The following EXOC6B variants were observed in gnomAD, a reference collection of about 807,000 sequenced individuals.
EXOC6B encodes exocyst complex component 6B, also known as SEC15 homolog B.
Under a neutral mutation model 113.5 loss-of-function variants are expected in EXOC6B, and 54 were observed. The ratio of observed to expected loss-of-function variants is 0.48; its 90% CI spans 0.38 to 0.60. The LOEUF (loss-of-function observed/expected upper bound fraction) is 0.60, where lower values mean the gene tolerates loss of function less well. EXOC6B is among the 20% of genes least tolerant of loss of function. The probability of loss-of-function intolerance (pLI) is 0.00; values close to 1 mark genes in which losing one functional copy is unlikely to be tolerated. For synonymous variants in EXOC6B, 357 were observed against 339.0 expected (o/e 1.05, Z -0.58); for missense variants, 797 against 977.5 (o/e 0.82, Z 2.46).
At chr2:72,318,521 G>A (rs1003291350) in intron 20 of EXOC6B, among the ~76,000 whole-genome samples, 2 of 152,018 alleles carry the variant, frequency 1.3e-5, no homozygotes, top group African/African-American at 4.8e-5. Context: ...AGGCTCTCGA[G>A]TAGCTGGGAC....
chr2:72,641,138 G>C lies in EXOC6B; in HGVS notation c.670-65470C>G, dbSNP rs111844228. On this transcript the variant is annotated intron_variant, in intron 6 of 21. Transcript: ENST00000272427. ...AGGAGCAGCTCCAGTCTGCAGCTCC[G>C]AGCGTGATCAACAGAGAAGACGGTG... 1.5e-4 allele frequency among the ~76,000 whole-genome samples: 23 copies of C among 152,306 alleles called. 2 individuals are homozygous for C. The highest frequency in any genetic ancestry group is 4.6e-4 in the African/African-American group (19 of 41,568).
chr2:72,538,211 C>T (rs1298375996), intron 8 of EXOC6B, among the ~76,000 whole-genome samples: 1 of 152,050 alleles, frequency 6.6e-6, no homozygotes, highest in Non-Finnish European at 1.5e-5. Context: ...AAGCCTCCTG[C>T]CTTTGCCTCC....
intron 18 of EXOC6B, among the ~76,000 whole-genome samples, chr2:72,455,003 C>T (rs1697131299): frequency 6.6e-6 from 1 of 151,942 alleles, no homozygotes; most frequent in East Asian, 1.9e-4. Context: ...ATAAATCAAT[C>T]TCTTGATAGG....
chr2:72,228,773 A>G (rs1303999274), intron 20 of EXOC6B, among the ~76,000 whole-genome samples: 2 of 152,184 alleles, frequency 1.3e-5, no homozygotes, highest in African/African-American at 4.8e-5. Context: ...TCCTTTGGGT[A>G]TATACCCAGT....
intron 3 of EXOC6B, 133 bp from the exon 4 acceptor site, chr2:72,731,378 T>C: frequency 1.5e-6 from 1 of 671,248 alleles, no homozygotes; most frequent in South Asian, 1.9e-5. Flanking sequence ...CCAAGTGAAC[T>C]AAGGAACTGC....
chr2:72,728,762 C>T (rs1478956733), intron 5 of EXOC6B, among the ~76,000 whole-genome samples: 1 of 152,078 alleles, frequency 6.6e-6, no homozygotes, highest in Non-Finnish European at 1.5e-5. Context: ...ACTGGGAACC[C>T]AGGAAATATA....
In EXOC6B at chr2:72,825,963, C is replaced by A; in HGVS notation, c.-53G>T. The A allele has an allele frequency of 6.3e-7, 1 of 1,595,778 alleles. No homozygotes were observed. Among genetic ancestry groups the A allele is most frequent in the South Asian group, 1.1e-5 (1 of 89,934 alleles). ...CCTCCGTCGGCTCGGCTCACCTTTT[C>A]CCTGCCCCACAATGCCGCTCCCACC... On this transcript the variant is annotated 5_prime_UTR_variant, in exon 1 of 22. Transcript: ENST00000272427. This position sits in a 1 kb window ranked among gnomAD's most constrained non-coding sequence, Gnocchi z 4.4.
At chr2:72,514,587 TA>T in intron 10 of EXOC6B, 46 bp downstream of exon 10, 1 of 230,778 alleles carries the variant, frequency 4.3e-6, no homozygotes, top group Non-Finnish European at 7.6e-6. Flanking sequence ...AATAAATAAA[TA>T]AATAAATAAA....
chr2:72,318,893 G>A (rs1156323576), intron 20 of EXOC6B, among the ~76,000 whole-genome samples: 2 of 120,310 alleles, frequency 1.7e-5, no homozygotes, highest in Non-Finnish European at 3.1e-5. Context: ...TACCTATGAA[G>A]TTAATAAAAA....
chr2:72,585,537 C>A (rs1394462925), intron 6 of EXOC6B, among the ~76,000 whole-genome samples: 1 of 150,634 alleles, frequency 6.6e-6, no homozygotes, highest in East Asian at 2.0e-4. Flanking sequence ...GCAGAGGGTG[C>A]AGTGATCCGA....
intron 20 of EXOC6B, among the ~76,000 whole-genome samples, chr2:72,211,031 G>A (rs544770021): frequency 2.7e-4 from 41 of 152,302 alleles, no homozygotes; most frequent in Non-Finnish European, 4.6e-4. Context: ...GGCAGCCACA[G>A]CTTTCTCCAG....
At chr2:72,657,457 C>T (rs1024982016) in intron 6 of EXOC6B, among the ~76,000 whole-genome samples, 2 of 151,580 alleles carry the variant, frequency 1.3e-5, no homozygotes, top group East Asian at 3.9e-4. Flanking sequence ...GTCTCCAACT[C>T]CTGACCTCAG....
chr2:72,488,395 A>G (rs1057371141), intron 16 of EXOC6B, among the ~76,000 whole-genome samples: 2 of 151,954 alleles, frequency 1.3e-5, no homozygotes, highest in Non-Finnish European at 2.9e-5. Flanking sequence ...ATAAATATTT[A>G]TATTCTCCCC....
At chr2:72,563,275 T>A (rs992215344) in intron 7 of EXOC6B, among the ~76,000 whole-genome samples, 5 of 152,120 alleles carry the variant, frequency 3.3e-5, no homozygotes, top group Non-Finnish European at 7.4e-5. Flanking sequence ...CATTGATAGA[T>A]TAGGCACATG....
At chr2:72,421,750 G>T (rs574777084) in intron 18 of EXOC6B, among the ~76,000 whole-genome samples, 1 of 152,226 alleles carries the variant, frequency 6.6e-6, no homozygotes, top group Non-Finnish European at 1.5e-5. Context: ...CCTTCGGCCC[G>T]CCGCTGCACT....
At chr2:72,807,364 T>G (rs911944308) in intron 1 of EXOC6B, among the ~76,000 whole-genome samples, 5 of 152,204 alleles carry the variant, frequency 3.3e-5, no homozygotes, top group African/African-American at 1.2e-4. Context: ...CTCTCTAGTC[T>G]GTTCCATTTG....
chr2:72,449,901 CTGTCACAATG>C (rs1459771626), intron 18 of EXOC6B, among the ~76,000 whole-genome samples: 2 of 152,188 alleles, frequency 1.3e-5, no homozygotes, highest in African/African-American at 4.8e-5. Context: ...CAGCTATTCT[CTGTCACAATG>C]TTGTCCATGA....
chr2:72,569,000 C>A (rs1043344377), intron 7 of EXOC6B, among the ~76,000 whole-genome samples: 3 of 151,772 alleles, frequency 2.0e-5, no homozygotes, highest in Non-Finnish European at 4.4e-5. Context: ...TGATGTGAGT[C>A]CTAATATATC....
chr2:72,439,770 T>C (rs968332720), intron 18 of EXOC6B, among the ~76,000 whole-genome samples: 3 of 152,152 alleles, frequency 2.0e-5, no homozygotes, highest in Non-Finnish European at 4.4e-5. Flanking sequence ...GCTGGAGAGG[T>C]GATACAGTCA....
Sources: allele counts gnomAD v4.1 joint callset (sites outside exome capture counted in the v4.1 genomes callset), GRCh38; gene constraint gnomAD v4.1.1; non-coding constraint Gnocchi (gnomAD v3.1); transcripts MANE v1.5; gene names NCBI Gene and HGNC (gene_info 2026-07-23, HGNC 2026-07-21).